The following CACHD1 variants were observed in gnomAD, a reference collection of about 807,000 sequenced individuals.
The protein encoded by CACHD1 is cache domain containing 1.
Under a neutral mutation model 138.7 loss-of-function variants are expected in CACHD1, and 71 were observed. The observed-to-expected ratio is 0.51, with a 90% CI of 0.42 to 0.62. The LOEUF (loss-of-function observed/expected upper bound fraction) is 0.62, where lower values mean the gene tolerates loss of function less well. CACHD1 is among the 20% of genes least tolerant of loss of function. The probability of loss-of-function intolerance (pLI) is 0.00; values close to 1 mark genes in which losing one functional copy is unlikely to be tolerated. For missense variants in CACHD1, 1,389 were observed against 1,625.3 expected (o/e 0.85, Z 2.50); for synonymous variants, 578 against 591.5 (o/e 0.98, Z 0.33).
Position 64,678,369 on chromosome 1 carries a change from T to A in CACHD1, c.3244+59T>A, listed in dbSNP as rs1360417096. The A allele has an allele frequency of 4.9e-6, 7 of 1,438,862 alleles. No homozygotes were observed. In the East Asian group the frequency reaches 1.5e-4, roughly 31 times the overall value. The allele number at this position is 1,438,862 out of a possible 1,614,324, so 89.1% of individuals were successfully genotyped here. ...TTGAATATACAATTTCCTGCCTATA[T>A]GCTAGGACATCTTAAAATAATCCTC... On this transcript the variant is annotated intron_variant, in intron 23 of 26. Transcript: ENST00000651257.
At chr1:64,640,034 G>A (rs1167078579) in intron 7 of CACHD1, among the ~76,000 whole-genome samples, 1 of 152,220 alleles carries the variant, frequency 6.6e-6, no homozygotes, top group Admixed American at 6.5e-5. Flanking sequence ...CCATAGGACT[G>A]CTTACAGCCT....
chr1:64,532,025 A>G (rs1646591293), intron 1 of CACHD1, among the ~76,000 whole-genome samples: 1 of 152,212 alleles, frequency 6.6e-6, no homozygotes, highest in Non-Finnish European at 1.5e-5. Flanking sequence ...CTAGATATGT[A>G]AACAAATGAT....
In CACHD1 at chr1:64,470,911, C is replaced by T; in HGVS notation, c.167C>T (p.Ala56Val). The change falls in exon 1 of 27, where the codon GCG becomes GTG. Residue 56 changes from alanine (A) to valine (V), a missense_variant. Around this residue, in one of 5 missense-constraint regions of CACHD1, gnomAD observed 1,000 missense variants for 1,114.7 expected, o/e 0.90. Coordinates refer to ENST00000651257, the MANE Select transcript of CACHD1 (RefSeq NM_020925.4). This position sits in a 1 kb window ranked among gnomAD's most constrained non-coding sequence, Gnocchi z 5.2. ...CTGGCGAGCCAGATGCGGAGGCTGGCGGCCGAGGAGCTGGGGGTCGTCACC... is the reference window on the plus strand; with the variant it reads ...CTGGCGAGCCAGATGCGGAGGCTGGTGGCCGAGGAGCTGGGGGTCGTCACC... ...QVLASQMRRL[A>V]AEELGVVTMQ... 2 of 1,607,240 alleles carry T rather than the reference C, an allele frequency of 1.2e-6. No homozygotes were observed. The highest frequency in any genetic ancestry group is 8.5e-7 in the Non-Finnish European group (1 of 1,177,012).
intron 1 of CACHD1, among the ~76,000 whole-genome samples, chr1:64,486,365 C>CAT (rs761717380): frequency 2.8e-4 from 26 of 94,116 alleles, no homozygotes; most frequent in Non-Finnish European, 5.2e-4. Context: ...CACACACACA[C>CAT]ACATACACAC....
At chr1:64,675,716 A>T (rs934196260) in intron 20 of CACHD1, among the ~76,000 whole-genome samples, 155 bp downstream of exon 20, 1 of 152,236 alleles carries the variant, frequency 6.6e-6, no homozygotes, top group Non-Finnish European at 1.5e-5. Flanking sequence ...TGCCGTTTGC[A>T]GCATCCTTGT....
At chr1:64,522,377 G>A (rs1165500088) in intron 1 of CACHD1, among the ~76,000 whole-genome samples, 4 of 151,680 alleles carry the variant, frequency 2.6e-5, no homozygotes, top group South Asian at 2.1e-4. Flanking sequence ...GCATGATCTC[G>A]GCTCACTGCA....
At chr1:64,564,142 AGACG>A (rs1557495308) in intron 2 of CACHD1, among the ~76,000 whole-genome samples, 2 of 152,260 alleles carry the variant, frequency 1.3e-5, no homozygotes, top group South Asian at 4.2e-4. Flanking sequence ...ATCTGTCTAA[AGACG>A]GATCCTCCGA....
At chr1:64,579,954 T>C (rs1646998874) in intron 2 of CACHD1, 1 of 153,146 alleles carries the variant, frequency 6.5e-6, no homozygotes. Context: ...TAATGTGTGT[T>C]ATGAGATGGC....
chr1:64,487,563 T>C (rs528276115), intron 1 of CACHD1, among the ~76,000 whole-genome samples: 1 of 152,290 alleles, frequency 6.6e-6, no homozygotes, highest in East Asian at 1.9e-4. Context: ...ACCATTCCAC[T>C]GGCAGTAGAC....
At chr1:64,524,025 G>T (rs1173534685) in intron 1 of CACHD1, among the ~76,000 whole-genome samples, 1 of 139,604 alleles carries the variant, frequency 7.2e-6, no homozygotes, top group African/African-American at 3.2e-5. Flanking sequence ...TGAAAAATCT[G>T]TACAAAAAAA....
intron 2 of CACHD1, 82 bp downstream of exon 2, chr1:64,550,738 C>A: frequency 1.1e-6 from 1 of 890,278 alleles, no homozygotes; most frequent in Non-Finnish European, 1.8e-6. Flanking sequence ...AAGCAATCTC[C>A]ACTTGAGGTT....
intron 1 of CACHD1, among the ~76,000 whole-genome samples, chr1:64,510,582 A>T (rs755937343): frequency 1.3e-5 from 2 of 152,134 alleles, no homozygotes; most frequent in Non-Finnish European, 2.9e-5. Context: ...CAACTACCTA[A>T]CCACTAAGTT....
chr1:64,546,742 G>A lies in CACHD1; in HGVS notation c.199-3852G>A, dbSNP rs1646721136. ...CTGAAGTCACAAAAATGTTGGCTAG[G>A]TGTATCATTTTGAATTCCTGGCTCT... On this transcript the variant is annotated intron_variant, in intron 1 of 26. Transcript: ENST00000651257. Among the ~76,000 whole-genome samples, 3 of 152,122 alleles carry A rather than the reference G, an allele frequency of 2.0e-5. No individual in the cohort carries two copies. In the South Asian group the frequency reaches 6.2e-4, roughly 32 times the overall value.
rs1489185429 is a variant in CACHD1 at position 64,634,050 on chromosome 1, G to A, written c.796G>A (p.Val266Met). The change falls in exon 7 of 27, where the codon GTG becomes ATG. Residue 266 changes from valine to methionine, a missense_variant. By Grantham distance (21) the Val-to-Met change is conservative. Coordinates refer to ENST00000651257, the MANE Select transcript of CACHD1 (RefSeq NM_020925.4). The part of the protein sequence containing the change: ...SAIDEHDKIS[V>M]LTVADTVRTC... ...TTTTTTTTCTTTCCTGCAGATTTCT[G>A]TGTTAACTGTGGCAGATACCGTCCG... 9 of 1,542,932 alleles carry A rather than the reference G, an allele frequency of 5.8e-6. No individual in the cohort carries two copies. Among genetic ancestry groups the A allele is most frequent in the Non-Finnish European group, 7.9e-6 (9 of 1,137,070 alleles).
At chr1:64,542,142 G>A (rs189920778) in intron 1 of CACHD1, among the ~76,000 whole-genome samples, 26 of 152,252 alleles carry the variant, frequency 1.7e-4, no homozygotes, top group Admixed American at 3.3e-4. Context: ...TGAGATAAAT[G>A]AGTTATGTAA....
intron 1 of CACHD1, among the ~76,000 whole-genome samples, chr1:64,518,938 G>A (rs1296286573): frequency 1.3e-5 from 2 of 152,148 alleles, no homozygotes; most frequent in African/African-American, 4.8e-5. Context: ...TAAGGGCTTA[G>A]TGACTCCTTA....
At chr1:64,666,364 T>G (rs1649633119) in intron 16 of CACHD1, among the ~76,000 whole-genome samples, 197 bp downstream of exon 16, 2 of 152,182 alleles carry the variant, frequency 1.3e-5, no homozygotes, top group Non-Finnish European at 2.9e-5. Context: ...AAAATGGGAA[T>G]GATACCTACC....
chr1:64,675,982 C>A lies in CACHD1; in HGVS notation c.2974C>A (p.Arg992=). ...TGGCAACCTCACCAATGCAGAGAAC[C>A]GGTAAAATAATTAATAATAATAATA... ...CTGNLTNAEN[R]NPSCEVHQEP... Residue 992 remains arginine (R), a splice_region_variant and synonymous_variant, in exon 21 of 27, where the codon CGA becomes AGA. Transcript: ENST00000651257. The A allele has an allele frequency of 4.4e-6, 5 of 1,145,690 alleles. No homozygotes were observed. Among genetic ancestry groups the A allele is most frequent in the Non-Finnish European group, 5.8e-6 (5 of 857,374 alleles). The allele number at this position is 1,145,690 out of a possible 1,614,324, so 71.0% of individuals were successfully genotyped here.
intron 1 of CACHD1, among the ~76,000 whole-genome samples, chr1:64,545,872 C>T (rs1464869498): frequency 2.0e-5 from 3 of 152,170 alleles, no homozygotes; most frequent in African/African-American, 7.2e-5. Context: ...AAGAATAAGA[C>T]ATTTTGTTCT....
Sources: gnomAD v4.1 joint callset for allele counts (sites outside exome capture counted in the v4.1 genomes callset) on GRCh38, gnomAD v4.1.1 for gene constraint, gnomAD v4.1.1 regional missense constraint, Gnocchi (gnomAD v3.1) non-coding constraint, MANE v1.5 for transcripts, NCBI Gene and HGNC (gene_info 2026-07-23, HGNC 2026-07-21) for gene names.